Variants in DCC observed in about 807,000 individuals in gnomAD.
DCC encodes DCC netrin 1 receptor, also known as netrin receptor DCC.
A neutral mutation model predicts 172.5 loss-of-function variants in DCC; 58 were observed. The ratio of observed to expected loss-of-function variants is 0.34; its 90% CI spans 0.27 to 0.42. The LOEUF (loss-of-function observed/expected upper bound fraction) is 0.42. Ranked by LOEUF, DCC falls within the 10% of genes least tolerant of loss-of-function variation. The pLI, the probability that DCC is intolerant of heterozygous loss-of-function variation, is 1.00. For synonymous variants in DCC, 709 were observed against 644.5 expected, an observed-to-expected ratio of 1.10 and a Z score of -1.52; for missense variants, 1,740 against 1,791.0, an observed-to-expected ratio of 0.97 and a Z score of 0.51.
At chr18:53,304,327 G>T (rs1599003358) in intron 12 of DCC, among the ~76,000 whole-genome samples, 1 of 152,044 alleles carries the variant, frequency 6.6e-6, no homozygotes, top group Admixed American at 6.6e-5. Context: ...ATCAGTAGGA[G>T]CCTCATTGTT....
chr18:52,611,857 G>A (rs1451370905), intron 1 of DCC, among the ~76,000 whole-genome samples: 1 of 152,164 alleles, frequency 6.6e-6, no homozygotes, highest in Non-Finnish European at 1.5e-5. Context: ...GCTTACTTCA[G>A]TGTGCTGTGG....
chr18:52,662,530 G>C (rs528242767), intron 1 of DCC, among the ~76,000 whole-genome samples: 1 of 114,136 alleles, frequency 8.8e-6, no homozygotes, highest in South Asian at 3.7e-4. Flanking sequence ...GGGTGGGAGG[G>C]AGGAAGGGAG....
intron 12 of DCC, among the ~76,000 whole-genome samples, chr18:53,303,779 G>C (rs2057167934): frequency 6.6e-6 from 1 of 152,178 alleles, no homozygotes; most frequent in South Asian, 2.1e-4. Context: ...TTTCAGCTCT[G>C]CCATCTGCAG....
At chr18:53,339,343 A>G (rs1259051984) in intron 14 of DCC, among the ~76,000 whole-genome samples, 1 of 152,140 alleles carries the variant, frequency 6.6e-6, no homozygotes, top group African/African-American at 2.4e-5. Flanking sequence ...ATAAGACAAC[A>G]TTGACATTTT....
At chr18:52,896,462 A>G (rs1181605314) in intron 2 of DCC, among the ~76,000 whole-genome samples, 4 of 152,186 alleles carry the variant, frequency 2.6e-5, no homozygotes, top group Non-Finnish European at 5.9e-5. Context: ...ATTATTTGCT[A>G]TCTAGTACCT....
At chr18:53,271,620 G>T (rs1454757270) in intron 12 of DCC, among the ~76,000 whole-genome samples, 1 of 152,120 alleles carries the variant, frequency 6.6e-6, no homozygotes, top group African/African-American at 2.4e-5. Context: ...TCATAGCAAG[G>T]CATCTGAATT....
rs776220441 is a variant in DCC at position 53,179,045 on chromosome 18, G to A, written c.1502G>A (p.Arg501Gln). Residue 501 changes from arginine to glutamine, a missense_variant, in exon 9 of 29, where the codon CGA becomes CAA. This residue lies in a region of DCC where 1,732 missense variants were observed against 1,767.4 expected (regional missense o/e 0.98). Transcript: ENST00000442544. ...NLKPEAMYTF[R>Q]VVAYNEWGPG... ...AAGCCAGAAGCCATGTACACCTTTC[G>A]AGTTGTGGCTTACAATGAATGGGGA... is the stretch of plus-strand genomic sequence containing the variant. 4.3e-6 allele frequency: 7 copies of A among 1,613,854 alleles called. No homozygotes were observed. Among genetic ancestry groups the A allele is most frequent in the African/African-American group, 2.7e-5 (2 of 74,898 alleles).
rs117622950 is a variant in DCC at position 52,858,499 on chromosome 18, T to C, written c.413-47545T>C. On this transcript the variant is annotated intron_variant, in intron 2 of 28. Transcript: ENST00000442544. The stretch of plus-strand genomic sequence containing the variant: ...GACTGCCCTAGGATATTAAGACATA[T>C]TACTTTAGTAGAGGCATACAATTCT... 7.9e-3 allele frequency among the ~76,000 whole-genome samples: 1,197 copies of C among 152,298 alleles called. 7 individuals are homozygous for C. The highest frequency in any genetic ancestry group is 0.017 in the Middle Eastern group (5 of 294).
At chr18:53,427,040 T>TA (rs1240211451) in intron 21 of DCC, among the ~76,000 whole-genome samples, 1 of 152,148 alleles carries the variant, frequency 6.6e-6, no homozygotes, top group Non-Finnish European at 1.5e-5. Flanking sequence ...GCCTTTAGGA[T>TA]AAGCTTGTGA....
chr18:53,403,441 C>A (rs962811332), intron 19 of DCC, among the ~76,000 whole-genome samples: 4 of 152,244 alleles, frequency 2.6e-5, no homozygotes, highest in Admixed American at 2.0e-4. Flanking sequence ...TTCACAGTGA[C>A]AGATTTTATT....
At chr18:52,401,503 G>T (rs1017635530) in intron 1 of DCC, among the ~76,000 whole-genome samples, 12 of 151,982 alleles carry the variant, frequency 7.9e-5, no homozygotes, top group African/African-American at 2.9e-4. Context: ...ACAACAAACT[G>T]TGACTTAAGC....
At chr18:52,847,413 T>C (rs2145332330) in intron 2 of DCC, among the ~76,000 whole-genome samples, 1 of 152,284 alleles carries the variant, frequency 6.6e-6, no homozygotes, top group South Asian at 2.1e-4. Flanking sequence ...TGCTTGAACA[T>C]CACAACACTC....
At chr18:53,177,795 C>T (rs866320911) in intron 8 of DCC, among the ~76,000 whole-genome samples, 2 of 152,116 alleles carry the variant, frequency 1.3e-5, no homozygotes, top group Non-Finnish European at 2.9e-5. Context: ...CCGGAAAATA[C>T]GGTCTAGTAC....
rs571817815 is a variant in DCC at position 53,024,311 on chromosome 18, T to A, written c.986-38994T>A. ...TGGGAATAGGGACAAATGGACCTGATGTTCTTTTGAGTATAATCTTAGGCA... is the reference window on the plus strand; with the variant it reads ...TGGGAATAGGGACAAATGGACCTGAAGTTCTTTTGAGTATAATCTTAGGCA... On this transcript the variant is annotated intron_variant, in intron 5 of 28. Coordinates refer to ENST00000442544, the MANE Select transcript of DCC (RefSeq NM_005215.4). Among the ~76,000 whole-genome samples, 9 of 152,298 alleles carry A rather than the reference T, an allele frequency of 5.9e-5. No homozygotes were observed. In the East Asian group the frequency reaches 1.7e-3, roughly 29 times the overall value.
At chr18:53,200,345 G>T (rs2055517448) in intron 9 of DCC, among the ~76,000 whole-genome samples, 1 of 152,246 alleles carries the variant, frequency 6.6e-6, no homozygotes, top group East Asian at 1.9e-4. Context: ...TAACAATGAT[G>T]AATCAACAAA....
At chr18:53,140,055 T>C (rs2144346063) in intron 7 of DCC, among the ~76,000 whole-genome samples, 1 of 152,330 alleles carries the variant, frequency 6.6e-6, no homozygotes, top group South Asian at 2.1e-4. Flanking sequence ...GATGAATAGA[T>C]AGATAAATGG....
At chr18:53,457,069 C>G (rs34160346) in intron 23 of DCC, among the ~76,000 whole-genome samples, 48,888 of 152,040 alleles carry the variant, frequency 0.32, 9,857 homozygotes, top group Non-Finnish European at 0.47. Context: ...GAAATAAAGT[C>G]TATTTAGAGA....
intron 28 of DCC, 78 bp downstream of exon 28, chr18:53,526,837 G>A: frequency 9.7e-6 from 13 of 1,333,954 alleles, no homozygotes; most frequent in Non-Finnish European, 1.3e-5. Flanking sequence ...AAACCAATGA[G>A]TACTGTCCAT....
At chr18:53,526,582 C>T in intron 27 of DCC, 35 bp from the exon 28 acceptor site, 4 of 1,609,176 alleles carry the variant, frequency 2.5e-6, no homozygotes, top group Non-Finnish European at 3.4e-6. Flanking sequence ...AGAATGTTTT[C>T]TACATTACTT....
Sources: allele counts gnomAD v4.1 joint callset (sites outside exome capture counted in the v4.1 genomes callset), GRCh38; gene constraint gnomAD v4.1.1; regional missense constraint gnomAD v4.1.1; transcripts MANE v1.5; gene names NCBI Gene and HGNC (gene_info 2026-07-23, HGNC 2026-07-21).